The following DCAF7 variants were observed in gnomAD, a reference collection of about 807,000 sequenced individuals.
DCAF7 encodes the protein DDB1- and CUL4-associated factor 7.
DCAF7 carries 4 observed loss-of-function variants against 41.2 expected under a neutral mutation model. The ratio of observed to expected loss-of-function variants is 0.10; its 90% CI spans 0.05 to 0.22. The LOEUF (loss-of-function observed/expected upper bound fraction) is 0.22. Ranked by LOEUF, DCAF7 falls within the 10% of genes least tolerant of loss-of-function variation. The pLI, the probability that DCAF7 is intolerant of heterozygous loss-of-function variation, is 1.00. For missense variants in DCAF7, 131 were observed against 443.2 expected (o/e 0.30, Z 6.32); for synonymous variants, 143 against 164.2 (o/e 0.87, Z 0.99).
At chr17:63,561,196 C>T (rs1465135868) in intron 1 of DCAF7, among the ~76,000 whole-genome samples, 1 of 151,990 alleles carries the variant, frequency 6.6e-6, no homozygotes, top group Admixed American at 6.6e-5. Context: ...ACCCGGGAGG[C>T]GGAGGTTGCA....
intron 1 of DCAF7, among the ~76,000 whole-genome samples, chr17:63,554,351 C>T (rs1416867484): frequency 6.6e-6 from 1 of 152,252 alleles, no homozygotes; most frequent in African/African-American, 2.4e-5. Flanking sequence ...TCCTGGGCTC[C>T]ACCCCTGAAG....
chr17:63,568,161 C>T (rs1598030167), intron 1 of DCAF7, among the ~76,000 whole-genome samples: 1 of 152,236 alleles, frequency 6.6e-6, no homozygotes, highest in Non-Finnish European at 1.5e-5. Context: ...GCTGGGACTA[C>T]AGGCATGCAC....
chr17:63,574,729 C>T (rs1019480300), intron 1 of DCAF7, among the ~76,000 whole-genome samples: 1 of 152,184 alleles, frequency 6.6e-6, no homozygotes, highest in Non-Finnish European at 1.5e-5. Flanking sequence ...GCCCAGCATA[C>T]TGGGAGGCCA....
chr17:63,579,546 G>A (rs1484765657), intron 3 of DCAF7, 98 bp downstream of exon 3: 9 of 894,576 alleles, frequency 1.0e-5, no homozygotes, highest in African/African-American at 1.7e-5. Context: ...AAGGCTCAGT[G>A]GGAAGTAGGC....
chr17:63,578,045 A>G lies in DCAF7; in HGVS notation c.139-425A>G, dbSNP rs181342063. On this transcript the variant is annotated intron_variant, in intron 1 of 6. Transcript: ENST00000614556. ...TCATGGCAATCGTTTTTGATTCTGC[A>G]GTTTAGTGTAGTACAGTGTCAAGAC... Among the ~76,000 whole-genome samples the G allele has an allele frequency of 2.6e-4, 39 of 152,236 alleles. No homozygotes were observed. The East Asian group carries it at 3.9e-3, about 15-fold the overall frequency.
At chr17:63,566,137 G>A (rs1001791080) in intron 1 of DCAF7, among the ~76,000 whole-genome samples, 1 of 151,670 alleles carries the variant, frequency 6.6e-6, no homozygotes, top group Non-Finnish European at 1.5e-5. Context: ...TTGGGAGGCC[G>A]AGGTGGGCGG....
chr17:63,552,455 G>A (rs1478440423), intron 1 of DCAF7: 2 of 152,190 alleles, frequency 1.3e-5, no homozygotes, highest in Admixed American at 6.5e-5. Flanking sequence ...CATTGCCCGG[G>A]CGAGATAGAG....
intron 1 of DCAF7, among the ~76,000 whole-genome samples, chr17:63,564,035 AC>A (rs1372542209): frequency 6.6e-6 from 1 of 152,108 alleles, no homozygotes; most frequent in Non-Finnish European, 1.5e-5. Context: ...GGAAAACTTT[AC>A]ACTTAATGTA....
At position 63,592,920 on chromosome 17, in the gene DCAF7, C is replaced by T. The variant is rs143055144; in HGVS notation, c.*3748C>T. On this transcript the variant is annotated 3_prime_UTR_variant, in exon 7 of 7. Transcript: ENST00000614556. ...ACTTTCCCCCTCCTTTTTCTCTTTT[C>T]TCTTCCCCTTGCTTTTCCACTGTTT... The T allele has an allele frequency of 9.8e-5, 15 of 152,722 alleles. No individual in the cohort carries two copies. The highest frequency in any genetic ancestry group is 3.6e-4 in the African/African-American group (15 of 41,554). 9.5% of individuals were successfully genotyped at this position (152,722 alleles called of 1,614,324 possible).
At chr17:63,555,635 T>C (rs1341078332) in intron 1 of DCAF7, among the ~76,000 whole-genome samples, 2 of 152,172 alleles carry the variant, frequency 1.3e-5, no homozygotes, top group Non-Finnish European at 2.9e-5. Flanking sequence ...TTTTGATAGA[T>C]ATTTAGAATG....
At position 63,589,573 on chromosome 17, in the gene DCAF7, G is replaced by A. The variant is rs191819589; in HGVS notation, c.*401G>A. On this transcript the variant is annotated 3_prime_UTR_variant, in exon 7 of 7. Transcript: ENST00000614556. ...TCATGTCTCGTCCATGTCCATGTTC[G>A]TGTTAGCACTTACGTGGGAACAAAT... 6.1e-4 allele frequency: 149 copies of A among 245,162 alleles called. No individual in the cohort carries two copies. The highest frequency in any genetic ancestry group is 1.1e-3 in the South Asian group (23 of 21,060). 15.2% of individuals were successfully genotyped at this position (245,162 alleles called of 1,614,324 possible). A position where few individuals can be genotyped will look rare whatever the true frequency, so the allele number is the denominator to read the frequency against.
At chr17:63,556,067 G>A (rs2033307677) in intron 1 of DCAF7, among the ~76,000 whole-genome samples, 1 of 152,224 alleles carries the variant, frequency 6.6e-6, no homozygotes, top group South Asian at 2.1e-4. Flanking sequence ...GAAGAGGCTT[G>A]AAGAGAAAGC....
chr17:63,553,853 T>C (rs975584487), intron 1 of DCAF7, among the ~76,000 whole-genome samples: 24 of 152,176 alleles, frequency 1.6e-4, no homozygotes, highest in African/African-American at 5.8e-4. Context: ...GTGAATAAAT[T>C]TGGGAATTGT....
At chr17:63,578,210 C>G (rs1441081828) in intron 1 of DCAF7, among the ~76,000 whole-genome samples, 3 of 151,986 alleles carry the variant, frequency 2.0e-5, no homozygotes, top group Non-Finnish European at 4.4e-5. Context: ...AAAAAATGAA[C>G]AAAATTAGCT....
At chr17:63,559,938 C>T (rs2033363207) in intron 1 of DCAF7, among the ~76,000 whole-genome samples, 1 of 152,016 alleles carries the variant, frequency 6.6e-6, no homozygotes, top group Admixed American at 6.6e-5. Flanking sequence ...ATCTCTGTAA[C>T]AAAACCAAAG....
chr17:63,587,502 C>A (rs2033690067), intron 6 of DCAF7, among the ~76,000 whole-genome samples: 1 of 152,098 alleles, frequency 6.6e-6, no homozygotes, highest in Non-Finnish European at 1.5e-5. Context: ...GCCTTGAGCC[C>A]CTTCAACCGA....
chr17:63,561,390 G>A (rs1286097976), intron 1 of DCAF7, among the ~76,000 whole-genome samples: 2 of 152,172 alleles, frequency 1.3e-5, no homozygotes, highest in Non-Finnish European at 2.9e-5. Flanking sequence ...TGGTTCATAT[G>A]TTGGAAATTG....
chr17:63,579,539 G>C (rs1258235763), intron 3 of DCAF7, 91 bp downstream of exon 3: 2 of 961,070 alleles, frequency 2.1e-6, no homozygotes, highest in Non-Finnish European at 3.2e-6. Context: ...CTAGAACAAG[G>C]CTCAGTGGGA....
intron 1 of DCAF7, among the ~76,000 whole-genome samples, chr17:63,563,127 G>C (rs1329754525): frequency 6.6e-6 from 1 of 152,156 alleles, no homozygotes; most frequent in Non-Finnish European, 1.5e-5. Context: ...GCCCTGCCTG[G>C]CGGAAAATAT....
Sources: allele counts gnomAD v4.1 joint callset (sites outside exome capture counted in the v4.1 genomes callset), GRCh38; gene constraint gnomAD v4.1.1; transcripts MANE v1.5; gene names NCBI Gene and HGNC (gene_info 2026-07-23, HGNC 2026-07-21).